PLEC: variants seen among roughly 807,000 people sequenced by gnomAD.
PLEC encodes the protein plectin.
In PLEC, 216 loss-of-function variants were observed where a neutral mutation model predicts 392.8. The observed-to-expected ratio is 0.55, with a 90% CI of 0.49 to 0.62. PLEC has a LOEUF of 0.62. PLEC is among the 20% of genes least tolerant of loss of function. PLEC has a pLI of 0.00. For missense variants in PLEC, 6,863 were observed against 6,563.4 expected (o/e 1.05, Z -1.58); for synonymous variants, 3,621 against 2,980.6 (o/e 1.21, Z -7.00).
At chr8:143,955,938 G>A (rs1409641455), upstream of PLEC, among the ~76,000 whole-genome samples, 1 of 139,964 alleles carries the variant, frequency 7.1e-6, no homozygotes, top group Non-Finnish European at 1.5e-5. Context: ...CCTCAGCCTA[G>A]GGAGACTTTT....
intron 1 of PLEC, among the ~76,000 whole-genome samples, chr8:143,946,006 G>GACA (rs1831409763): frequency 1.3e-5 from 2 of 152,270 alleles, no homozygotes; most frequent in Admixed American, 1.3e-4. Context: ...CAGTGGGCAG[G>GACA]GGCCGACAGG....
intron 1 of PLEC, chr8:143,950,052 C>T (rs1276646688): frequency 4.1e-6 from 5 of 1,221,026 alleles, no homozygotes; most frequent in Non-Finnish European, 5.5e-6. Context: ...GGGGGGGCCA[C>T]CTGCTGGTGT....
At position 143,925,596 on chromosome 8, in the gene PLEC, G is replaced by A. The variant is rs782018221; in HGVS notation, c.4333C>T (p.Arg1445Cys). ...AKARQAEAAE[R>C]SRLRIEEEIR... ...TCCTCCTCGATGCGCAGCCGGCTGC[G>A]CTCAGCCGCCTCTGCCTGCCGGGCC... The change falls in exon 31 of 32, where the codon CGC (arginine) becomes TGC (cysteine). Residue 1445 changes from arginine (R) to cysteine (C), a missense_variant. Coordinates refer to ENST00000345136, the MANE Select transcript of PLEC (RefSeq NM_201384.3). The A allele has an allele frequency of 1.8e-5, 29 of 1,570,996 alleles. No homozygotes were observed. Among genetic ancestry groups the A allele is most frequent in the Admixed American group, 1.1e-4 (6 of 56,096 alleles).
chr8:143,929,796 C>T lies in PLEC; in HGVS notation c.2773G>A (p.Ala925Thr), dbSNP rs1374096637. Residue 925 changes from alanine (A) to threonine (T), a missense_variant, in exon 23 of 32, where the codon GCC (alanine) becomes ACC (threonine). Ala to Thr is a moderately conservative substitution (Grantham distance 58, BLOSUM62 0). Coordinates refer to ENST00000345136, the MANE Select transcript of PLEC (RefSeq NM_201384.3). ...TAGTGCAGCTCCAGGCTGTGCAGGG[C>T]TTGGCGCTGCTCCTCTGGCTTCAGG... ...RTLKPEEQRQ[A>T]LHSLELHYQA... The T allele has an allele frequency of 2.5e-6, 4 of 1,599,492 alleles. No individual in the cohort carries two copies. In the African/African-American group the frequency reaches 4.0e-5, roughly 16 times the overall value.
In PLEC at chr8:143,935,074, G is replaced by A. The variant is rs781860563; in HGVS notation, c.762C>T (p.Tyr254=). 9.9e-6 allele frequency: 16 copies of A among 1,612,854 alleles called. No individual in the cohort carries two copies. Among genetic ancestry groups the A allele is most frequent in the African/African-American group, 4.0e-5 (3 of 74,926 alleles). ...PQPDEKSIIT[Y]VSSLYDAMPR... ...GCATGGCGTCATACAGCGACGAGAC[G>A]TAGGTGATGATGGACTTCTCGTCGG... The change falls in exon 8 of 32, where the codon TAC becomes TAT. Residue 254 remains tyrosine (Y), a synonymous_variant. Transcript: ENST00000345136.
At position 143,923,942 on chromosome 8, in the gene PLEC, G is replaced by A; in HGVS notation, c.5987C>T (p.Ala1996Val). 1.3e-6 allele frequency: 2 copies of A among 1,593,660 alleles called. No individual in the cohort carries two copies. Among genetic ancestry groups the A allele is most frequent in the South Asian group, 2.2e-5 (2 of 90,496 alleles). ...AEERVQKSLA[A>V]EEEAARQRKA... ...CCGCTGCCGTGCGGCCTCCTCCTCG[G>A]CCGCCAGGCTCTTCTGCACGCGCTC... Residue 1996 changes from alanine to valine, a missense_variant, in exon 31 of 32, where the codon GCC (alanine) becomes GTC (valine). Transcript: ENST00000345136.
upstream of PLEC, chr8:143,953,959 G>C: frequency 7.5e-7 from 1 of 1,324,508 alleles, no homozygotes; most frequent in Non-Finnish European, 9.8e-7. Flanking sequence ...GCTCCCGGCC[G>C]CACCGCGCAC....
At chr8:143,972,863 G>A (rs1554744757) in intron 1 of PLEC, among the ~76,000 whole-genome samples, 1 of 152,170 alleles carries the variant, frequency 6.6e-6, no homozygotes, top group Non-Finnish European at 1.5e-5. Context: ...AGAGGAAGGA[G>A]GGGCCACCCT....
chr8:143,938,813 C>T, intron 1 of PLEC, 121 bp from the exon 2 acceptor site: 1 of 846,674 alleles, frequency 1.2e-6, no homozygotes, highest in African/African-American at 1.7e-5. Flanking sequence ...CCCAAAGCCT[C>T]CCTCAGATCA....
rs1840270863 is a variant in PLEC at position 143,919,465 on chromosome 8, C to G, written c.10356G>C (p.Gln3452His). The G allele has an allele frequency of 6.2e-7, 1 of 1,613,292 alleles. No homozygotes were observed. The highest frequency in any genetic ancestry group is 1.3e-5 in the African/African-American group (1 of 75,066). ...CGTGCTGCCGGAGAACCAGGCCCTT[C>G]TGCATGGCCTGGAAGAGGGAGATGG... ...GSTISLFQAMQKGLVLRQHGI... is the reference protein window; with the variant it reads ...GSTISLFQAMHKGLVLRQHGI... The change falls in exon 32 of 32, where the codon CAG (glutamine) becomes CAC (histidine). Residue 3452 changes from glutamine (Q) to histidine (H), a missense_variant. Transcript: ENST00000345136.
intron 25 of PLEC, among the ~76,000 whole-genome samples, chr8:143,928,743 G>A (rs1256299146): frequency 6.6e-6 from 1 of 152,204 alleles, no homozygotes; most frequent in African/African-American, 2.4e-5. Context: ...AGGCCCTTAA[G>A]TCCAGGCCAG....
Position 143,921,946 on chromosome 8 carries a change from G to A in PLEC, c.7875C>T (p.Thr2625=). 6.3e-7 allele frequency: 1 copy of A among 1,599,174 alleles called. No individual in the cohort carries two copies. The highest frequency in any genetic ancestry group is 8.5e-7 in the Non-Finnish European group (1 of 1,179,794). The part of the protein sequence containing the change: ...VTASQVAATK[T]LPNGRDALDG... Reference sequence around the variant, plus strand: ...CAAGTGCATCCCGGCCATTGGGCAGGGTCTTTGTGGCAGCCACCTGCGAGG... The same window carrying A: ...CAAGTGCATCCCGGCCATTGGGCAGAGTCTTTGTGGCAGCCACCTGCGAGG... Residue 2625 remains threonine, a synonymous_variant, in exon 32 of 32, where the codon ACC becomes ACT. Transcript: ENST00000345136.
At chr8:143,971,305 G>A (rs1833417202) in intron 1 of PLEC, among the ~76,000 whole-genome samples, 1 of 152,142 alleles carries the variant, frequency 6.6e-6, no homozygotes, top group African/African-American at 2.4e-5. Flanking sequence ...TGGGCAGGGG[G>A]CACAGGCCTG....
At position 143,934,454 on chromosome 8, in the gene PLEC, A is replaced by G. The variant is rs782340648; in HGVS notation, c.1042-9T>C. 9.9e-6 allele frequency: 16 copies of G among 1,610,678 alleles called. No homozygotes were observed. The highest frequency in any genetic ancestry group is 1.2e-5 in the Non-Finnish European group (14 of 1,179,800). On this transcript the variant is annotated splice_polypyrimidine_tract_variant and intron_variant, in intron 10 of 31. Coordinates refer to ENST00000345136, the MANE Select transcript of PLEC (RefSeq NM_201384.3). ...CCTGCTTGCACCGCTCCCTGTAGAC[A>G]GGGGCCACACTCAGGCCCTATAGGC...
chr8:143,934,937 C>T lies in PLEC; in HGVS notation c.826-8G>A, dbSNP rs1271384410. 5 of 1,610,908 alleles carry T rather than the reference C, an allele frequency of 3.1e-6. No individual in the cohort carries two copies. Among genetic ancestry groups the T allele is most frequent in the Admixed American group, 1.7e-5 (1 of 59,976 alleles). On this transcript the variant is annotated splice_polypyrimidine_tract_variant and splice_region_variant and intron_variant, in intron 8 of 31. Coordinates refer to ENST00000345136, the MANE Select transcript of PLEC (RefSeq NM_201384.3). ...CCAGCGCAGCTGCAGCTCCTGCGGG[C>T]AGGCACGGGCGGCTGTCAGGGGTCG...
At chr8:143,965,601 CCCAGCCTCCT>C (rs1833049723) in intron 1 of PLEC, among the ~76,000 whole-genome samples, 2 of 152,210 alleles carry the variant, frequency 1.3e-5, no homozygotes. Flanking sequence ...CATCGCCCTT[CCCAGCCTCCT>C]CCAGTCCCTT....
upstream of PLEC, among the ~76,000 whole-genome samples, chr8:143,952,795 C>G (rs1832324644): frequency 1.3e-5 from 2 of 152,226 alleles, no homozygotes; most frequent in African/African-American, 4.8e-5. Context: ...CCAGCCCCGC[C>G]TCCCCCAAGC....
rs2855760 is a variant in PLEC at position 143,925,696 on chromosome 8, C to T, written c.4233G>A (p.Ala1411=). Residue 1411 remains alanine, a synonymous_variant, in exon 31 of 32, where the codon GCG becomes GCA. Coordinates refer to ENST00000345136, the MANE Select transcript of PLEC (RefSeq NM_201384.3). ...VVRREEAAVD[A]QQQKRSIQEE... is the part of the protein sequence containing the mutation. Reference sequence around the variant, plus strand: ...CCTGAATGCTGCGCTTCTGCTGCTGCGCGTCCACCGCCGCCTCCTCCCGCC... The same window carrying T: ...CCTGAATGCTGCGCTTCTGCTGCTGTGCGTCCACCGCCGCCTCCTCCCGCC... 6.4e-4 allele frequency: 1,015 copies of T among 1,591,872 alleles called. 1 individual carries two copies. The highest frequency in any genetic ancestry group is 7.7e-4 in the Non-Finnish European group (906 of 1,176,492).
chr8:143,949,650 C>T (rs1347805069), intron 1 of PLEC, among the ~76,000 whole-genome samples: 1 of 152,242 alleles, frequency 6.6e-6, no homozygotes, highest in Non-Finnish European at 1.5e-5. Context: ...CCGCCCAGGG[C>T]CGTCCCCAGC....
Sources: allele counts gnomAD v4.1 joint callset (sites outside exome capture counted in the v4.1 genomes callset), GRCh38; gene constraint gnomAD v4.1.1; transcripts MANE v1.5; gene names NCBI Gene and HGNC (gene_info 2026-07-23, HGNC 2026-07-21).